The following CCDC3 variants were observed in gnomAD, a reference collection of about 807,000 sequenced individuals.
The protein encoded by CCDC3 is coiled-coil domain-containing protein 3.
CCDC3 carries 24 observed loss-of-function variants against 21.4 expected under a neutral mutation model. The observed-to-expected ratio is 1.12, with a 90% CI of 0.81 to 1.58. CCDC3 has a LOEUF of 1.58. Ranked by LOEUF, CCDC3 falls within the 40% of genes most tolerant of loss-of-function variation. CCDC3 has a pLI of 0.00. For missense variants in CCDC3, 425 were observed against 360.9 expected, an observed-to-expected ratio of 1.18 and a Z score of -1.44; for synonymous variants, 186 against 166.0, an observed-to-expected ratio of 1.12 and a Z score of -0.93.
chr10:12,932,451 T>G (rs1443458847), intron 2 of CCDC3, among the ~76,000 whole-genome samples: 2 of 152,338 alleles, frequency 1.3e-5, no homozygotes, highest in East Asian at 3.9e-4. Flanking sequence ...CTACTGAATG[T>G]GTATTGTTTC....
intron 2 of CCDC3, among the ~76,000 whole-genome samples, chr10:12,907,421 G>A (rs1419776376): frequency 1.3e-5 from 2 of 152,136 alleles, no homozygotes; most frequent in African/African-American, 4.8e-5. Context: ...GAGGTGGGAG[G>A]ATCACTTGAG....
chr10:13,010,152 G>T (rs1835968005), intron 5 of CCDC3, among the ~76,000 whole-genome samples: 1 of 152,160 alleles, frequency 6.6e-6, no homozygotes, highest in Admixed American at 6.5e-5. Context: ...GGAGTCCGAA[G>T]CAAGAGAATC....
At chr10:12,936,122 A>T (rs1834733631) in intron 2 of CCDC3, among the ~76,000 whole-genome samples, 1 of 152,160 alleles carries the variant, frequency 6.6e-6, no homozygotes, top group Non-Finnish European at 1.5e-5. Context: ...CTCTCTGAAC[A>T]ACTTCTTTAA....
intron 5 of CCDC3, among the ~76,000 whole-genome samples, chr10:13,015,533 C>T (rs961045916): frequency 7.2e-5 from 11 of 152,160 alleles, no homozygotes; most frequent in South Asian, 2.1e-4. Context: ...GCAGCCCTTA[C>T]GACTGCCTTG....
At chr10:13,066,094 C>G in intron 4 of CCDC3, among the ~76,000 whole-genome samples, 1 of 152,084 alleles carries the variant, frequency 6.6e-6, no homozygotes, top group East Asian at 1.9e-4. Context: ...GGGCTCCATC[C>G]CCAGTTCCTT....
At chr10:12,939,655 GAA>G (rs1421791066) in intron 2 of CCDC3, among the ~76,000 whole-genome samples, 1 of 5,494 alleles carries the variant, frequency 1.8e-4, no homozygotes, top group Non-Finnish European at 3.9e-4. Flanking sequence ...GATACCCTGG[GAA>G]AGCGGATCAA....
intron 5 of CCDC3, among the ~76,000 whole-genome samples, chr10:13,027,091 G>C (rs1173005481): frequency 6.6e-6 from 1 of 152,176 alleles, no homozygotes; most frequent in African/African-American, 2.4e-5. Flanking sequence ...CCTTGCTTTA[G>C]TATCTGTGTC....
At chr10:13,027,608 G>C (rs1454725248) in intron 5 of CCDC3, among the ~76,000 whole-genome samples, 1 of 151,912 alleles carries the variant, frequency 6.6e-6, no homozygotes, top group Non-Finnish European at 1.5e-5. Context: ...CACTTTTGGA[G>C]GCTGAGGCGG....
At chr10:13,048,700 G>A (rs1252354937) in intron 5 of CCDC3, among the ~76,000 whole-genome samples, 1 of 152,122 alleles carries the variant, frequency 6.6e-6, no homozygotes, top group East Asian at 1.9e-4. Flanking sequence ...ACAAGCAGAT[G>A]AGTCAACTTG....
chr10:12,905,992 C>T (rs11258058), intron 2 of CCDC3, among the ~76,000 whole-genome samples: 1 of 152,204 alleles, frequency 6.6e-6, no homozygotes, highest in African/African-American at 2.4e-5. Context: ...CCTTTACCCA[C>T]GTCCTCCGTA....
intron 5 of CCDC3, among the ~76,000 whole-genome samples, chr10:13,048,199 A>G (rs1836553111): frequency 6.6e-6 from 1 of 151,702 alleles, no homozygotes; most frequent in Non-Finnish European, 1.5e-5. Context: ...TGAGGTCCCA[A>G]TTATTTTTTT....
intron 2 of CCDC3, among the ~76,000 whole-genome samples, chr10:12,960,784 C>A (rs1439971828): frequency 6.6e-6 from 1 of 152,222 alleles, no homozygotes; most frequent in Non-Finnish European, 1.5e-5. Context: ...GCTCCGCCTG[C>A]CAGGTCACGT....
chr10:12,941,484 T>C (rs549023603), intron 2 of CCDC3, among the ~76,000 whole-genome samples: 16 of 152,206 alleles, frequency 1.1e-4, no homozygotes, highest in Non-Finnish European at 2.4e-4. Context: ...AGGACCCCTT[T>C]CTGGTAACAG....
intron 5 of CCDC3, among the ~76,000 whole-genome samples, chr10:13,035,672 A>G (rs1024161216): frequency 4.6e-5 from 7 of 152,248 alleles, no homozygotes; most frequent in Non-Finnish European, 7.3e-5. Context: ...TATCAAGAAC[A>G]TCCAGGTTTT....
intron 5 of CCDC3, among the ~76,000 whole-genome samples, chr10:13,029,520 G>A (rs369420880): frequency 4.6e-5 from 7 of 152,110 alleles, no homozygotes; most frequent in Admixed American, 6.5e-5. Context: ...GGCTTCAGAC[G>A]ATCGGTAATA....
chr10:12,918,321 A>G lies in CCDC3; in HGVS notation c.550-19642T>C, dbSNP rs971776851. ...CGTTTTTAAAATACAGAAGGATTCT[A>G]TAAAGATCTTAAAATATAGTATGAA... On this transcript the variant is annotated intron_variant, in intron 2 of 2. Coordinates refer to ENST00000378825, the MANE Select transcript of CCDC3 (RefSeq NM_031455.4). Among the ~76,000 whole-genome samples the G allele has an allele frequency of 5.3e-4, 80 of 152,268 alleles. 1 individual carries two copies. Among genetic ancestry groups the G allele is most frequent in the African/African-American group, 1.8e-3 (75 of 41,474 alleles).
chr10:13,061,694 AACT>A (rs1836759800), intron 4 of CCDC3, among the ~76,000 whole-genome samples: 2 of 152,192 alleles, frequency 1.3e-5, no homozygotes, highest in African/African-American at 4.8e-5. Context: ...GCTACAGATA[AACT>A]TAAACATTTT....
intron 5 of CCDC3, among the ~76,000 whole-genome samples, chr10:13,046,066 G>C (rs1836522429): frequency 6.6e-6 from 1 of 152,048 alleles, no homozygotes; most frequent in Admixed American, 6.6e-5. Flanking sequence ...ACTCCAGCCT[G>C]GGTGACAGAG....
At chr10:13,043,606 A>C (rs1202868613) in intron 5 of CCDC3, among the ~76,000 whole-genome samples, 2 of 152,152 alleles carry the variant, frequency 1.3e-5, no homozygotes. Context: ...AAAATAAAAT[A>C]AAATAAAAAT....
Sources: allele counts gnomAD v4.1 joint callset (sites outside exome capture counted in the v4.1 genomes callset), GRCh38; gene constraint gnomAD v4.1.1; transcripts MANE v1.5; gene names NCBI Gene and HGNC (gene_info 2026-07-23, HGNC 2026-07-21).